The following PLA2G4C variants were observed in gnomAD, a reference collection of about 807,000 sequenced individuals.
PLA2G4C encodes phospholipase A2 group IVC.
In PLA2G4C, 64 loss-of-function variants were observed where a neutral mutation model predicts 73.8. The ratio of observed to expected loss-of-function variants is 0.87; its 90% CI spans 0.71 to 1.07. The LOEUF (loss-of-function observed/expected upper bound fraction) is 1.07. PLA2G4C is among the 50% of genes least tolerant of loss of function. The pLI, the probability that PLA2G4C is intolerant of heterozygous loss-of-function variation, is 0.00. For synonymous variants in PLA2G4C, 254 were observed against 252.1 expected (o/e 1.01, Z -0.07); for missense variants, 622 against 665.4 (o/e 0.93, Z 0.72).
Position 48,048,114 on chromosome 19 carries a change from C to T in PLA2G4C, c.*229G>A, listed in dbSNP as rs1286512431. On this transcript the variant is annotated 3_prime_UTR_variant, in exon 17 of 17. Coordinates refer to ENST00000599921, the MANE Select transcript of PLA2G4C (RefSeq NM_003706.3). The stretch of plus-strand genomic sequence containing the variant: ...TCCAGCTCCAGGATCTCCCGAGGGA[C>T]CTGCAGGACAAATTTCACCACCTTC... The T allele has an allele frequency of 2.5e-5, 13 of 526,516 alleles. No homozygotes were observed. Among genetic ancestry groups the T allele is most frequent in the Non-Finnish European group, 3.6e-5 (11 of 303,984 alleles). 32.6% of individuals were successfully genotyped at this position (526,516 alleles called of 1,614,324 possible). A position where few individuals can be genotyped will look rare whatever the true frequency, so the allele number is the denominator to read the frequency against.
intron 3 of PLA2G4C, 43 bp downstream of exon 3, chr19:48,105,290 G>C (rs368979655): frequency 2.2e-6 from 3 of 1,361,652 alleles, no homozygotes; most frequent in Non-Finnish European, 3.1e-6. Context: ...CACAGAGGGG[G>C]CGATTCTGGG....
At chr19:48,065,007 G>A (rs1968354561) in intron 13 of PLA2G4C, 1 of 152,112 alleles carries the variant, frequency 6.6e-6, no homozygotes, top group African/African-American at 2.4e-5. Flanking sequence ...TCTGGGAATG[G>A]TTCCTCTTGC....
intron 10 of PLA2G4C, among the ~76,000 whole-genome samples, chr19:48,082,498 T>TTTTTTTTTTTTTTTTTTTTTTTTTC: frequency 1.6e-5 from 1 of 60,700 alleles, no homozygotes; most frequent in African/African-American, 4.6e-5. Context: ...CTTTCTTTCT[T>TTTTTTTTTTTTTTTTTTTTTTTTTC]TTTTTTTTTT....
intron 7 of PLA2G4C, among the ~76,000 whole-genome samples, chr19:48,093,565 A>G (rs940947012): frequency 6.6e-6 from 1 of 152,066 alleles, no homozygotes; most frequent in Non-Finnish European, 1.5e-5. Context: ...TGGAATCCAA[A>G]CTAAACTTCA....
At chr19:48,093,462 C>CAGAGAGAGAG (rs147169468) in intron 7 of PLA2G4C, among the ~76,000 whole-genome samples, 1 of 150,212 alleles carries the variant, frequency 6.7e-6, no homozygotes, top group East Asian at 1.9e-4. Flanking sequence ...AATCCATGCT[C>CAGAGAGAGAG]AGAGAGAGAG....
intron 13 of PLA2G4C, among the ~76,000 whole-genome samples, chr19:48,064,444 A>AAC (rs1968332801): frequency 2.6e-5 from 4 of 151,256 alleles, no homozygotes; most frequent in African/African-American, 9.7e-5. Flanking sequence ...AAAAAAAAAA[A>AAC]CCAAAAACCA....
chr19:48,105,327 A>C lies in PLA2G4C; in HGVS notation c.120+6T>G. 6.2e-7 allele frequency: 1 copy of C among 1,600,682 alleles called. No individual in the cohort carries two copies. The highest frequency in any genetic ancestry group is 1.1e-5 in the South Asian group (1 of 90,280). On this transcript the variant is annotated splice_donor_region_variant and intron_variant, in intron 3 of 16. Coordinates refer to ENST00000599921, the MANE Select transcript of PLA2G4C (RefSeq NM_003706.3). ...TCTCTGGGGCCACCCTCCTCCCCTC[A>C]CTTACCTCATCAGCCTCAATCCTTA...
intron 12 of PLA2G4C, among the ~76,000 whole-genome samples, chr19:48,071,124 C>T (rs76361192): frequency 0.032 from 4,826 of 152,280 alleles, 203 homozygotes; most frequent in African/African-American, 0.098. Flanking sequence ...CTTATTGGCT[C>T]TGTTTCTCTG....
chr19:48,106,630 C>G (rs912121406), intron 1 of PLA2G4C, 69 bp from the exon 2 acceptor site: 57 of 1,259,712 alleles, frequency 4.5e-5, no homozygotes, highest in Non-Finnish European at 6.6e-5. Flanking sequence ...TGGGGGAGGG[C>G]TGGGACTGTC....
intron 6 of PLA2G4C, among the ~76,000 whole-genome samples, chr19:48,096,042 G>C (rs1366179039): frequency 1.3e-5 from 2 of 152,144 alleles, no homozygotes; most frequent in Non-Finnish European, 2.9e-5. Flanking sequence ...ACTTCCATCA[G>C]GTAGCCAGGG....
intron 10 of PLA2G4C, among the ~76,000 whole-genome samples, chr19:48,082,818 T>TC (rs1469251256): frequency 2.8e-5 from 4 of 142,810 alleles, no homozygotes; most frequent in South Asian, 4.4e-4. Flanking sequence ...TTTCTTTCTT[T>TC]TTTTTTTTTT....
chr19:48,101,235 C>T (rs1278876522), intron 4 of PLA2G4C, among the ~76,000 whole-genome samples: 1 of 150,772 alleles, frequency 6.6e-6, no homozygotes. Context: ...AATGATCCTC[C>T]CACCTCAGCC....
chr19:48,095,416 T>C (rs762639592), intron 7 of PLA2G4C, 48 bp downstream of exon 7: 2 of 1,583,238 alleles, frequency 1.3e-6, no homozygotes, highest in East Asian at 4.5e-5. Flanking sequence ...TTCTTGCCTC[T>C]CCTCCACTTC....
intron 10 of PLA2G4C, among the ~76,000 whole-genome samples, chr19:48,082,496 C>CTTTTTTTT (rs66641645): frequency 1.1e-3 from 112 of 106,272 alleles, no homozygotes; most frequent in African/African-American, 2.6e-3. Context: ...TTCTTTCTTT[C>CTTTTTTTT]TTTTTTTTTT....
intron 13 of PLA2G4C, among the ~76,000 whole-genome samples, chr19:48,067,461 C>T (rs777290261): frequency 6.6e-6 from 1 of 152,056 alleles, no homozygotes; most frequent in Non-Finnish European, 1.5e-5. Context: ...AGCCACTGCG[C>T]CCAGCCCATA....
chr19:48,048,902 T>G (rs1423125994), intron 16 of PLA2G4C, among the ~76,000 whole-genome samples: 3 of 152,214 alleles, frequency 2.0e-5, no homozygotes, highest in Admixed American at 6.5e-5. Flanking sequence ...GAGTGGATCC[T>G]TCATGAATGG....
chr19:48,066,052 A>G (rs1195716605), intron 13 of PLA2G4C, among the ~76,000 whole-genome samples: 1 of 150,506 alleles, frequency 6.6e-6, no homozygotes, highest in African/African-American at 2.5e-5. Context: ...GCGCCATTGC[A>G]CTCCAGCCTG....
At position 48,052,959 on chromosome 19, in the gene PLA2G4C, G is replaced by A. The variant is rs115689157; in HGVS notation, c.1580+38C>T. The A allele has an allele frequency of 4.8e-4, 751 of 1,570,238 alleles. 6 individuals carry two copies. In the African/African-American group the frequency reaches 8.9e-3, roughly 19 times the overall value. On this transcript the variant is annotated intron_variant, in intron 16 of 16. Transcript: ENST00000599921. ...GTTCTCCAACAGATACTTACTGAAC[G>A]AGCATAGGCATCAGAGCGACTATGG...
intron 14 of PLA2G4C, 51 bp downstream of exon 14, chr19:48,061,947 G>T: frequency 1.3e-6 from 2 of 1,587,550 alleles, no homozygotes; most frequent in Non-Finnish European, 1.7e-6. Flanking sequence ...AGTCAGCTTC[G>T]CCGCAGCCCA....
Sources: gnomAD v4.1 joint callset for allele counts (sites outside exome capture counted in the v4.1 genomes callset) on GRCh38, gnomAD v4.1.1 for gene constraint, MANE v1.5 for transcripts, NCBI Gene and HGNC (gene_info 2026-07-23, HGNC 2026-07-21) for gene names.